AFF1: variants seen among roughly 807,000 people sequenced by gnomAD.
The protein encoded by AFF1 is AF4/FMR2 family member 1.
In AFF1, 48 loss-of-function variants were observed where a neutral mutation model predicts 121.7. The observed-to-expected ratio is 0.39, with a 90% CI of 0.31 to 0.50. The LOEUF (loss-of-function observed/expected upper bound fraction) is 0.50, where lower values mean the gene tolerates loss of function less well. Ranked by LOEUF, AFF1 falls within the 20% of genes least tolerant of loss-of-function variation. The pLI is 0.76. For missense variants in AFF1, 1,523 were observed against 1,511.7 expected, an observed-to-expected ratio of 1.01 and a Z score of -0.12; for synonymous variants, 613 against 563.0, an observed-to-expected ratio of 1.09 and a Z score of -1.26.
At chr4:86,950,121 A>G in intron 2 of AFF1, 1 of 1,608,284 alleles carries the variant, frequency 6.2e-7, no homozygotes, top group Non-Finnish European at 8.5e-7. Flanking sequence ...GGAGCAGGGC[A>G]GGGATGGGAC....
At chr4:86,974,246 C>G (rs1455541027) in intron 2 of AFF1, among the ~76,000 whole-genome samples, 1 of 152,152 alleles carries the variant, frequency 6.6e-6, no homozygotes, top group African/African-American at 2.4e-5. Flanking sequence ...CTCCCAGCTT[C>G]AAGTGATTCT....
At chr4:87,077,874 A>G (rs1722829072) in intron 4 of AFF1, among the ~76,000 whole-genome samples, 1 of 152,194 alleles carries the variant, frequency 6.6e-6, no homozygotes, top group Non-Finnish European at 1.5e-5. Flanking sequence ...CATAGTTTTC[A>G]TAGTCAGTTA....
intron 2 of AFF1, among the ~76,000 whole-genome samples, chr4:86,966,038 G>A (rs1168756338): frequency 6.6e-6 from 1 of 151,572 alleles, no homozygotes; most frequent in African/African-American, 2.4e-5. Flanking sequence ...TCTTCCCCAG[G>A]GTGGTAGTTA....
intron 2 of AFF1, among the ~76,000 whole-genome samples, chr4:87,010,848 G>A (rs1339254299): frequency 6.6e-6 from 1 of 152,192 alleles, no homozygotes; most frequent in Admixed American, 6.5e-5. Context: ...AGCACTTTTG[G>A]GAGGCCGAGG....
chr4:86,944,850 T>G (rs911800201), intron 1 of AFF1, among the ~76,000 whole-genome samples: 6 of 152,230 alleles, frequency 3.9e-5, no homozygotes, highest in African/African-American at 1.2e-4. Context: ...TCCATAAAAC[T>G]TACATATATG....
intron 2 of AFF1, among the ~76,000 whole-genome samples, chr4:87,040,871 C>CTTTTTTTT (rs780348229): frequency 4.5e-5 from 3 of 67,106 alleles, no homozygotes; most frequent in East Asian, 4.7e-4. Context: ...CCATGCCCTG[C>CTTTTTTTT]TTTTTTTTTT....
At chr4:87,031,303 C>T (rs76641562) in intron 2 of AFF1, among the ~76,000 whole-genome samples, 6,422 of 152,270 alleles carry the variant, frequency 0.042, 434 homozygotes, top group African/African-American at 0.15. Context: ...AACTTCTGCT[C>T]ATCATTCAAG....
intron 4 of AFF1, among the ~76,000 whole-genome samples, chr4:87,081,187 A>T (rs1723140522): frequency 1.8e-5 from 2 of 113,030 alleles, no homozygotes; most frequent in Admixed American, 1.2e-4. Flanking sequence ...TTTGAGACAG[A>T]GTCTCACTCG....
chr4:87,133,259 A>G (rs757351811), intron 19 of AFF1, among the ~76,000 whole-genome samples: 1 of 152,208 alleles, frequency 6.6e-6, no homozygotes, highest in Non-Finnish European at 1.5e-5. Flanking sequence ...ATCCTTGTAC[A>G]AGTGTTTTTA....
At chr4:86,950,228 G>A in intron 2 of AFF1, 1 of 987,314 alleles carries the variant, frequency 1.0e-6, no homozygotes, top group Non-Finnish European at 1.6e-6. Flanking sequence ...GCCCCGGCTG[G>A]AGTGCAGTGC....
intron 2 of AFF1, among the ~76,000 whole-genome samples, chr4:86,958,091 CTTTTTT>C (rs36035943): frequency 9.3e-6 from 1 of 107,106 alleles, no homozygotes; most frequent in Non-Finnish European, 1.8e-5. Flanking sequence ...TTTTTTTTTC[CTTTTTT>C]TTTTTTTTTT....
chr4:87,072,007 CAG>C (rs1369502875), intron 4 of AFF1, among the ~76,000 whole-genome samples: 3 of 151,934 alleles, frequency 2.0e-5, no homozygotes, highest in African/African-American at 7.3e-5. Flanking sequence ...TGTGTGAAGT[CAG>C]AGGCAGACGA....
chr4:87,065,429 CAT>C (rs1040954981), intron 4 of AFF1, among the ~76,000 whole-genome samples: 15 of 151,202 alleles, frequency 9.9e-5, no homozygotes, highest in African/African-American at 3.2e-4. Context: ...CAAATCATGT[CAT>C]GTGAATTAGG....
rs978042483 is a variant in AFF1, at chr4:87,084,330, G to A, written c.1104+166G>A. On this transcript the variant is annotated intron_variant, in intron 5 of 20. Coordinates refer to ENST00000395146, the MANE Select transcript of AFF1 (RefSeq NM_001166693.3). ...AAGGTGGGCGGATTGCTTGAGCTCC[G>A]GAGTTCACGACCAGCCTGGACAACA... Among the ~76,000 whole-genome samples the A allele has an allele frequency of 6.6e-5, 10 of 152,066 alleles. No individual in the cohort carries two copies. The South Asian group carries it at 1.7e-3, about 25-fold the overall frequency.
chr4:87,053,173 C>G (rs1484341422), intron 4 of AFF1, among the ~76,000 whole-genome samples: 1 of 152,146 alleles, frequency 6.6e-6, no homozygotes, highest in African/African-American at 2.4e-5. Context: ...CTTATATGGT[C>G]TTAATTCCTC....
At chr4:87,124,818 C>A (rs913204502) in intron 12 of AFF1, among the ~76,000 whole-genome samples, 1 of 152,138 alleles carries the variant, frequency 6.6e-6, no homozygotes, top group African/African-American at 2.4e-5. Context: ...GCAAAAAAAT[C>A]TGTCTCAATA....
At chr4:87,117,238 G>C (rs1488449747) in intron 12 of AFF1, among the ~76,000 whole-genome samples, 4 of 152,222 alleles carry the variant, frequency 2.6e-5, no homozygotes, top group Non-Finnish European at 5.9e-5. Flanking sequence ...GCCGTTCCCA[G>C]GTTTTGGCTG....
At chr4:87,134,726 G>A (rs989724858) in intron 20 of AFF1, 32 bp downstream of exon 20, 1 of 1,548,918 alleles carries the variant, frequency 6.5e-7, no homozygotes, top group Non-Finnish European at 8.9e-7. Context: ...GGTAATTACT[G>A]GGGTGTTTGG....
intron 2 of AFF1, chr4:87,007,274 C>G (rs997054178): frequency 1.9e-6 from 3 of 1,549,636 alleles, no homozygotes; most frequent in South Asian, 2.4e-5. Context: ...AGCAGGTAGT[C>G]CCGTAACATC....
Sources: gnomAD v4.1 joint callset for allele counts (sites outside exome capture counted in the v4.1 genomes callset) on GRCh38, gnomAD v4.1.1 for gene constraint, MANE v1.5 for transcripts, NCBI Gene and HGNC (gene_info 2026-07-23, HGNC 2026-07-21) for gene names.